PIAS1: variants seen among roughly 807,000 people sequenced by gnomAD.
PIAS1 encodes the protein protein inhibitor of activated STAT 1, also known as E3 SUMO-protein ligase PIAS1.
Under a neutral mutation model 71.3 loss-of-function variants are expected in PIAS1, and 6 were observed. That is an observed-to-expected ratio of 0.08 (90% CI 0.05 to 0.17). The LOEUF (loss-of-function observed/expected upper bound fraction) is 0.17, where lower values mean the gene tolerates loss of function less well. Among genes scored for constraint, PIAS1 ranks in the 10% least tolerant of loss-of-function variants. The pLI, the probability that PIAS1 is intolerant of heterozygous loss-of-function variation, is 1.00. For missense variants in PIAS1, 555 were observed against 793.6 expected, an observed-to-expected ratio of 0.70 and a Z score of 3.61; for synonymous variants, 303 against 292.9, an observed-to-expected ratio of 1.03 and a Z score of -0.35.
chr15:68,066,161 C>G (rs2092022942), intron 1 of PIAS1, among the ~76,000 whole-genome samples: 1 of 151,674 alleles, frequency 6.6e-6, no homozygotes, highest in South Asian at 2.1e-4. Flanking sequence ...GCTCTGTTGC[C>G]CAGGTTGGAG....
chr15:68,059,000 CTTTTTTTTTTT>C (rs35348345), intron 1 of PIAS1, among the ~76,000 whole-genome samples: 2 of 84,912 alleles, frequency 2.4e-5, no homozygotes, highest in Admixed American at 2.7e-4. Context: ...GATTATTCTA[CTTTTTTTTTTT>C]TTTTTTTTTT....
At chr15:68,096,270 A>G (rs143638845) in intron 2 of PIAS1, among the ~76,000 whole-genome samples, 29 of 152,260 alleles carry the variant, frequency 1.9e-4, no homozygotes, top group Non-Finnish European at 2.6e-4. Context: ...TGGGCTCACT[A>G]TTCTGTTCCA....
chr15:68,153,749 T>C, intron 7 of PIAS1, 54 bp downstream of exon 7: 1 of 919,832 alleles, frequency 1.1e-6, no homozygotes, highest in Non-Finnish European at 1.8e-6. Flanking sequence ...AAGGTTAGAG[T>C]AGTATTTTCT....
At chr15:68,177,462 A>G (rs2093027622) in intron 11 of PIAS1, among the ~76,000 whole-genome samples, 1 of 152,140 alleles carries the variant, frequency 6.6e-6, no homozygotes. Flanking sequence ...TCTGCTTCAG[A>G]ATGTGAATGA....
At chr15:68,145,463 G>T (rs1335690460) in intron 4 of PIAS1, among the ~76,000 whole-genome samples, 1 of 152,058 alleles carries the variant, frequency 6.6e-6, no homozygotes, top group African/African-American at 2.4e-5. Context: ...TAATTTAATT[G>T]TTTTGATTCA....
chr15:68,094,835 C>T (rs1389666903), intron 2 of PIAS1, among the ~76,000 whole-genome samples: 2 of 152,200 alleles, frequency 1.3e-5, no homozygotes, highest in African/African-American at 4.8e-5. Context: ...TAATTGGCAG[C>T]ACTGGTTTCT....
chr15:68,073,818 G>C (rs1215561049), intron 1 of PIAS1, among the ~76,000 whole-genome samples: 1 of 152,164 alleles, frequency 6.6e-6, no homozygotes, highest in African/African-American at 2.4e-5. Flanking sequence ...TTATATTTTA[G>C]AATGATCACT....
intron 1 of PIAS1, chr15:68,055,378 G>A: frequency 5.4e-6 from 1 of 184,408 alleles, no homozygotes; most frequent in Non-Finnish European, 1.0e-5. Flanking sequence ...AATTACTCAC[G>A]CCTCACGAAA....
intron 12 of PIAS1, among the ~76,000 whole-genome samples, chr15:68,183,099 G>A (rs1009013176): frequency 6.6e-6 from 1 of 152,170 alleles, no homozygotes; most frequent in Non-Finnish European, 1.5e-5. Context: ...TAGCCAGTTT[G>A]CAGGCACTCA....
chr15:68,151,700 AC>A (rs1350747724), intron 6 of PIAS1, among the ~76,000 whole-genome samples: 10 of 95,794 alleles, frequency 1.0e-4, no homozygotes, highest in African/African-American at 4.0e-4. Flanking sequence ...ACACACACAC[AC>A]ACACACAAAT....
At chr15:68,140,206 C>CTA (rs1292126495) in intron 2 of PIAS1, among the ~76,000 whole-genome samples, 3 of 152,204 alleles carry the variant, frequency 2.0e-5, no homozygotes, top group East Asian at 1.9e-4. Context: ...CTTTCTAAAC[C>CTA]TATATATATC....
intron 1 of PIAS1, among the ~76,000 whole-genome samples, chr15:68,084,645 C>G (rs1312145228): frequency 6.6e-6 from 1 of 152,114 alleles, no homozygotes; most frequent in African/African-American, 2.4e-5. Flanking sequence ...CTTCTGGTGT[C>G]CTTTCTTACT....
Position 68,174,477 on chromosome 15 carries a change from CCTG to C in PIAS1, c.1169+588_1169+590del, listed in dbSNP as rs2093010024. ...TTCTATTCTGCAGCCCCCTTTTCCTCCTGCTTTTTGCCACTAAACAAAAACAAA... is the reference window on the plus strand; with the variant it reads ...TTCTATTCTGCAGCCCCCTTTTCCTCCTTTTTGCCACTAAACAAAAACAAA... On this transcript the variant is annotated intron_variant, in intron 9 of 13. Coordinates refer to ENST00000249636, the MANE Select transcript of PIAS1 (RefSeq NM_016166.3). This position sits in a 1 kb window ranked among gnomAD's most constrained non-coding sequence, Gnocchi z 4.0. 6.6e-6 allele frequency among the ~76,000 whole-genome samples: 1 copy of C among 152,190 alleles called. No homozygotes were observed. Among genetic ancestry groups the C allele is most frequent in the Non-Finnish European group, 1.5e-5 (1 of 68,040 alleles).
At chr15:68,123,655 G>A (rs1451447381) in intron 2 of PIAS1, among the ~76,000 whole-genome samples, 1 of 152,006 alleles carries the variant, frequency 6.6e-6, no homozygotes, top group Non-Finnish European at 1.5e-5. Context: ...TGCACTATAG[G>A]AAACAATTTG....
At chr15:68,097,731 C>G (rs536256059) in intron 2 of PIAS1, among the ~76,000 whole-genome samples, 2 of 152,270 alleles carry the variant, frequency 1.3e-5, no homozygotes, top group African/African-American at 4.8e-5. Flanking sequence ...CCGTGCCCAG[C>G]CTGCATGTTG....
intron 11 of PIAS1, among the ~76,000 whole-genome samples, chr15:68,177,037 T>C (rs979970808): frequency 5.3e-5 from 8 of 152,088 alleles, no homozygotes; most frequent in Non-Finnish European, 2.9e-5. Flanking sequence ...CCTAGGACTT[T>C]GGGAGGCTGA....
chr15:68,067,773 T>C (rs1396053551), intron 1 of PIAS1, among the ~76,000 whole-genome samples: 1 of 152,168 alleles, frequency 6.6e-6, no homozygotes, highest in Non-Finnish European at 1.5e-5. Context: ...GTGTAACTTA[T>C]AGAAAGGTAG....
intron 2 of PIAS1, among the ~76,000 whole-genome samples, chr15:68,108,577 A>C (rs1447337523): frequency 6.6e-6 from 1 of 152,204 alleles, no homozygotes; most frequent in Non-Finnish European, 1.5e-5. Context: ...GACCTCTCTC[A>C]TGAGTTCTGG....
intron 8 of PIAS1, among the ~76,000 whole-genome samples, chr15:68,165,798 A>G (rs1595782432): frequency 6.6e-6 from 1 of 152,120 alleles, no homozygotes; most frequent in Non-Finnish European, 1.5e-5. Flanking sequence ...TTACCTTGAC[A>G]TTTTGGTTAC....
Sources: gnomAD v4.1 joint callset for allele counts (sites outside exome capture counted in the v4.1 genomes callset) on GRCh38, gnomAD v4.1.1 for gene constraint, Gnocchi (gnomAD v3.1) non-coding constraint, MANE v1.5 for transcripts, NCBI Gene and HGNC (gene_info 2026-07-23, HGNC 2026-07-21) for gene names.